PPP6R1: variants seen among roughly 807,000 people sequenced by gnomAD.
PPP6R1 encodes the protein serine/threonine-protein phosphatase 6 regulatory subunit 1.
A neutral mutation model predicts 104.6 loss-of-function variants in PPP6R1; 39 were observed. That is an observed-to-expected ratio of 0.37 (90% CI 0.29 to 0.49). The LOEUF is 0.49. Ranked by LOEUF, PPP6R1 falls within the 20% of genes least tolerant of loss-of-function variation. The pLI, the probability that PPP6R1 is intolerant of heterozygous loss-of-function variation, is 0.98. For synonymous variants in PPP6R1, 549 were observed against 479.0 expected (o/e 1.15, Z -1.91); for missense variants, 1,181 against 1,155.8 (o/e 1.02, Z -0.32).
intron 15 of PPP6R1, among the ~76,000 whole-genome samples, chr19:55,238,280 T>C (rs888406918): frequency 4.6e-5 from 7 of 152,246 alleles, no homozygotes; most frequent in African/African-American, 1.4e-4. Context: ...CAAGTCTCCA[T>C]GCTGGGCACA....
chr19:55,239,464 G>A lies in PPP6R1; in HGVS notation c.1692C>T (p.Ala564=), dbSNP rs2087429622. The A allele has an allele frequency of 6.2e-7, 1 of 1,614,038 alleles. No individual in the cohort carries two copies. The highest frequency in any genetic ancestry group is 1.3e-5 in the African/African-American group (1 of 75,058). ...CATTGAAGCCGAAGTGGTCAATGAA[G>A]GCAGAGGTCATGCGCTGCATCTGGA... The part of the protein sequence containing the change: ...MDFQMQRMTS[A]FIDHFGFNDE... Residue 564 remains alanine (A), a synonymous_variant, in exon 15 of 24, where the codon GCC becomes GCT. Transcript: ENST00000412770.
intron 17 of PPP6R1, among the ~76,000 whole-genome samples, chr19:55,234,588 G>A (rs757808863): frequency 1.3e-5 from 2 of 152,234 alleles, no homozygotes; most frequent in Admixed American, 6.5e-5. Context: ...CAAGATGCTG[G>A]ATTTGGCAGT....
At chr19:55,228,314 A>C (rs1170140386), downstream of PPP6R1, 23 of 1,613,878 alleles carry the variant, frequency 1.4e-5, no homozygotes, top group Non-Finnish European at 1.9e-5. Flanking sequence ...CCAGCCAGGC[A>C]GAGGACGGGC....
In PPP6R1 at chr19:55,230,841, G is replaced by A. The variant is rs1255794648; in HGVS notation, c.2503C>T (p.His835Tyr). 1.9e-6 allele frequency: 3 copies of A among 1,607,058 alleles called. No homozygotes were observed. In the East Asian group the frequency reaches 6.7e-5, roughly 36 times the overall value. Residue 835 changes from histidine to tyrosine, a missense_variant, in exon 22 of 24, where the codon CAC becomes TAC. His to Tyr is a moderately conservative substitution (Grantham distance 83, BLOSUM62 2). Coordinates refer to ENST00000412770, the MANE Select transcript of PPP6R1 (RefSeq NM_014931.4). Reference protein sequence around the residue: ...PSTSVPASGAHQPPQTTEGEK... With the variant: ...PSTSVPASGAYQPPQTTEGEK... The stretch of plus-strand genomic sequence containing the variant: ...CCTTCTGTGGTCTGGGGGGGCTGGT[G>A]GGCCCCGGAGGCTGGGACAGAGGTA...
chr19:55,234,613 C>A (rs1367115193), intron 17 of PPP6R1, among the ~76,000 whole-genome samples: 1 of 152,094 alleles, frequency 6.6e-6, no homozygotes, highest in Non-Finnish European at 1.5e-5. Flanking sequence ...CACTTGTGCA[C>A]CAACAACACG....
rs1003027013 is a variant in PPP6R1, at chr19:55,231,863, G to T, written c.2245C>A (p.Pro749Thr). ...AGGCTCTGAGTGGGGAGGCCCTGGG[G>T]CACACTGAGGGGCCCCTGTGGGGCT... ...PPAPQGPLSV[P>T]QGLPTQSLAS... Residue 749 changes from proline to threonine, a missense_variant, in exon 19 of 24, where the codon CCC becomes ACC. Physicochemically the swap from Pro to Thr is conservative, Grantham distance 38. Around this residue, in one of 2 missense-constraint regions of PPP6R1, gnomAD observed 1,042 missense variants for 955.6 expected, o/e 1.09. Transcript: ENST00000412770. 4 of 1,504,168 alleles carry T rather than the reference G, an allele frequency of 2.7e-6. No individual in the cohort carries two copies. The highest frequency in any genetic ancestry group is 1.4e-5 in the African/African-American group (1 of 71,890). The allele number at this position is 1,504,168 out of a possible 1,614,324, so 93.2% of individuals were successfully genotyped here.
At position 55,240,994 on chromosome 19, in the gene PPP6R1, G is replaced by T. The variant is rs1318774807; in HGVS notation, c.1247C>A (p.Pro416His). 3 of 1,597,974 alleles carry T rather than the reference G, an allele frequency of 1.9e-6. 1 individual carries two copies. In the South Asian group the frequency reaches 3.4e-5, roughly 18 times the overall value. Residue 416 changes from proline to histidine, a missense_variant, in exon 10 of 24, where the codon CCT (proline) becomes CAT (histidine). Transcript: ENST00000412770. Reference protein sequence around the residue: ...CVSTMLSLGPPPDSSPETPIQ... With the variant: ...CVSTMLSLGPHPDSSPETPIQ... The stretch of plus-strand genomic sequence containing the variant: ...GGGCGTCTCAGGGCTGCTGTCAGGA[G>T]GTGGCCCCAAGCTCAGCATGGTGCT...
rs1568946301 is a variant in PPP6R1 at position 55,240,337 on chromosome 19, G to C, written c.1297-37C>G. The C allele has an allele frequency of 1.9e-6, 3 of 1,562,052 alleles. No individual in the cohort carries two copies. In the South Asian group the frequency reaches 3.5e-5, roughly 18 times the overall value. On this transcript the variant is annotated intron_variant, in intron 10 of 23. Coordinates refer to ENST00000412770, the MANE Select transcript of PPP6R1 (RefSeq NM_014931.4). Reference sequence around the variant, plus strand: ...CGGGACAGGATGGCCTGGAGGGGTGGTCTGCACACATGTGGGGAGCTCTGC... The same window carrying C: ...CGGGACAGGATGGCCTGGAGGGGTGCTCTGCACACATGTGGGGAGCTCTGC...
intron 11 of PPP6R1, 45 bp downstream of exon 11, chr19:55,240,191 A>C: frequency 6.4e-7 from 1 of 1,565,758 alleles, no homozygotes; most frequent in Non-Finnish European, 8.7e-7. Flanking sequence ...CCCCCCATCC[A>C]GGCAGCCCCA....
At chr19:55,243,887 A>G (rs753118828) in intron 5 of PPP6R1, among the ~76,000 whole-genome samples, 23 of 152,316 alleles carry the variant, frequency 1.5e-4, no homozygotes, top group Middle Eastern at 3.4e-3. Flanking sequence ...TCCTGGGCTC[A>G]AGCAATCCTC....
intron 1 of PPP6R1, chr19:55,255,683 T>C (rs1346796860): frequency 6.6e-6 from 1 of 152,416 alleles, no homozygotes; most frequent in East Asian, 1.9e-4. Context: ...ACCTCATCTC[T>C]TGCTACCTCC....
chr19:55,244,743 T>C (rs1167275762), intron 5 of PPP6R1, among the ~76,000 whole-genome samples: 1 of 152,000 alleles, frequency 6.6e-6, no homozygotes, highest in African/African-American at 2.4e-5. Context: ...CCAATTTCTT[T>C]TCTTTCTTTT....
intron 17 of PPP6R1, 67 bp downstream of exon 17, chr19:55,236,576 T>C (rs764445019): frequency 1.4e-5 from 20 of 1,437,588 alleles, no homozygotes; most frequent in Admixed American, 8.5e-5. Flanking sequence ...TCCAAATGTG[T>C]TGGGGGGACC....
Position 55,245,268 on chromosome 19 carries a change from GACA to G in PPP6R1, c.546_548del (p.Val183del). ...CAGAGGAGCCGGCCCTGCTCACATT[GACA>G]ACATCCTGCCTCAGCTGAGGCCGCT... is the stretch of plus-strand genomic sequence containing the variant. On this transcript the variant is annotated inframe_deletion, in exon 4 of 24. Coordinates refer to ENST00000412770, the MANE Select transcript of PPP6R1 (RefSeq NM_014931.4). This position sits in a 1 kb window ranked among gnomAD's most constrained non-coding sequence, Gnocchi z 6.4. The G allele has an allele frequency of 7.5e-6, 12 of 1,597,284 alleles. No individual in the cohort carries two copies. Among genetic ancestry groups the G allele is most frequent in the Non-Finnish European group, 1.0e-5 (12 of 1,172,446 alleles).
Position 55,236,746 on chromosome 19 carries a change from C to G in PPP6R1, c.1885G>C (p.Glu629Gln), listed in dbSNP as rs766996784. The stretch of plus-strand genomic sequence containing the variant: ...TCCCCTGAGCCCTGGGCCTCTTCCT[C>G]GTCCTCCTCTTCCTCATCATCATCA... ...QFDDDEEEED[E>Q]EEAQGSGESD... The change falls in exon 17 of 24, where the codon GAG (glutamate) becomes CAG (glutamine). Residue 629 changes from glutamate (E) to glutamine (Q), a missense_variant. Transcript: ENST00000412770. The G allele has an allele frequency of 6.2e-7, 1 of 1,613,986 alleles. No individual in the cohort carries two copies. The highest frequency in any genetic ancestry group is 1.7e-5 in the Admixed American group (1 of 60,024).
At chr19:55,232,384 A>T (rs1600103568) in intron 17 of PPP6R1, 173 bp from the exon 18 acceptor site, 2 of 978,808 alleles carry the variant, frequency 2.0e-6, no homozygotes, top group Non-Finnish European at 2.9e-6. Flanking sequence ...TGGGAGAGGG[A>T]GTTCTGAGCC....
intron 1 of PPP6R1, among the ~76,000 whole-genome samples, chr19:55,252,491 C>T (rs961694214): frequency 8.6e-5 from 13 of 151,986 alleles, no homozygotes; most frequent in Admixed American, 2.6e-4. Context: ...CTCCGCCTCC[C>T]GGTTTTAAGC....
At chr19:55,232,434 G>GT in intron 17 of PPP6R1, 1 of 579,140 alleles carries the variant, frequency 1.7e-6, no homozygotes, top group Middle Eastern at 4.7e-4. Flanking sequence ...GAATGCGGCC[G>GT]TAAGGAGACC....
intron 15 of PPP6R1, among the ~76,000 whole-genome samples, chr19:55,238,497 G>T (rs2087419399): frequency 6.6e-6 from 1 of 151,950 alleles, no homozygotes; most frequent in South Asian, 2.1e-4. Context: ...CCGTAAATGA[G>T]CTCATCGTGG....
Sources: allele counts gnomAD v4.1 joint callset (sites outside exome capture counted in the v4.1 genomes callset), GRCh38; gene constraint gnomAD v4.1.1; regional missense constraint gnomAD v4.1.1; non-coding constraint Gnocchi (gnomAD v3.1); transcripts MANE v1.5; gene names NCBI Gene and HGNC (gene_info 2026-07-23, HGNC 2026-07-21).